PLCE1: variants seen among roughly 807,000 people sequenced by gnomAD.
The protein encoded by PLCE1 is phospholipase C epsilon 1.
Under a neutral mutation model 242.8 loss-of-function variants are expected in PLCE1, and 119 were observed. That is an observed-to-expected ratio of 0.49 (90% confidence interval 0.42 to 0.57). The LOEUF (loss-of-function observed/expected upper bound fraction) is 0.57. Among genes scored for constraint, PLCE1 ranks in the 20% least tolerant of loss-of-function variants. PLCE1 has a pLI of 0.00. For synonymous variants in PLCE1, 945 were observed against 1,017.4 expected (o/e 0.93, Z 1.35); for missense variants, 2,441 against 2,788.8 (o/e 0.88, Z 2.81).
chr10:94,003,402 C>T (rs970340832), intron 1 of PLCE1, among the ~76,000 whole-genome samples: 15 of 152,148 alleles, frequency 9.9e-5, no homozygotes, highest in Non-Finnish European at 1.6e-4. Flanking sequence ...TCACATTTGA[C>T]CTGCTCATGT....
At chr10:94,218,186 T>C (rs1462466491) in intron 4 of PLCE1, among the ~76,000 whole-genome samples, 1 of 152,192 alleles carries the variant, frequency 6.6e-6, no homozygotes, top group African/African-American at 2.4e-5. Context: ...ACACTTTCTG[T>C]GTGATACAGT....
At chr10:94,074,872 C>T (rs942856884) in intron 2 of PLCE1, among the ~76,000 whole-genome samples, 1 of 152,132 alleles carries the variant, frequency 6.6e-6, no homozygotes, top group Non-Finnish European at 1.5e-5. Flanking sequence ...TAAAGAATAA[C>T]TTGTATAATA....
At chr10:94,014,455 AT>A (rs1472943153) in intron 1 of PLCE1, among the ~76,000 whole-genome samples, 1 of 150,978 alleles carries the variant, frequency 6.6e-6, no homozygotes, top group African/African-American at 2.4e-5. Context: ...AAAAAAAAAA[AT>A]TAGCTGGGTG....
At chr10:94,102,596 T>C (rs886385175) in intron 2 of PLCE1, among the ~76,000 whole-genome samples, 2 of 152,216 alleles carry the variant, frequency 1.3e-5, no homozygotes, top group Non-Finnish European at 2.9e-5. Flanking sequence ...GTGAAGACAA[T>C]ACATTCCAGT....
rs538778378 is a variant in PLCE1 at position 94,056,965 on chromosome 10, A to G, written c.1206+24713A>G. Among the ~76,000 whole-genome samples the G allele has an allele frequency of 3.1e-3, 474 of 152,276 alleles. 2 individuals are homozygous for G. The highest frequency in any genetic ancestry group is 0.011 in the African/African-American group (457 of 41,556). On this transcript the variant is annotated intron_variant, in intron 2 of 32. Transcript: ENST00000371380. ...TAATGTTTCTAAGGTTCATCATGTT[A>G]CAGCATATGTTAGTACTTCACTACT...
At chr10:94,048,693 A>T (rs1396017264) in intron 2 of PLCE1, among the ~76,000 whole-genome samples, 18 of 144,216 alleles carry the variant, frequency 1.2e-4, no homozygotes, top group Admixed American at 3.5e-4. Context: ...ATTTATAAAT[A>T]ATATAAATAT....
chr10:93,994,462 C>T (rs1459921472), intron 1 of PLCE1, among the ~76,000 whole-genome samples: 1 of 152,250 alleles, frequency 6.6e-6, no homozygotes, highest in Non-Finnish European at 1.5e-5. Flanking sequence ...TAAAGGACAC[C>T]CTGCCAGTGC....
intron 3 of PLCE1, among the ~76,000 whole-genome samples, chr10:94,143,008 C>G (rs1227991676): frequency 6.6e-6 from 1 of 152,142 alleles, no homozygotes; most frequent in East Asian, 1.9e-4. Flanking sequence ...AGGAAATGGA[C>G]AAATAAACGT....
chr10:94,003,631 T>C (rs1035096716), intron 1 of PLCE1, among the ~76,000 whole-genome samples: 4 of 152,148 alleles, frequency 2.6e-5, no homozygotes, highest in Non-Finnish European at 5.9e-5. Context: ...TGTGCATAGA[T>C]TGAATTCCTG....
intron 9 of PLCE1, among the ~76,000 whole-genome samples, chr10:94,253,263 C>T (rs771915030): frequency 3.3e-5 from 5 of 152,098 alleles, no homozygotes; most frequent in Non-Finnish European, 5.9e-5. Flanking sequence ...TGACAGCCTC[C>T]GGAAGCTTAC....
At chr10:94,237,858 A>T (rs146614908) in intron 7 of PLCE1, among the ~76,000 whole-genome samples, 32 of 152,290 alleles carry the variant, frequency 2.1e-4, no homozygotes, top group African/African-American at 7.7e-4. Context: ...TGTGCCAAAG[A>T]TGTGCAGATT....
intron 11 of PLCE1, among the ~76,000 whole-genome samples, chr10:94,256,178 C>T (rs567391584): frequency 1.3e-5 from 2 of 151,204 alleles, no homozygotes; most frequent in South Asian, 2.1e-4. Flanking sequence ...AAACAATTAG[C>T]GGGTGTGGTG....
At chr10:94,164,320 G>A (rs1407015419) in intron 3 of PLCE1, among the ~76,000 whole-genome samples, 2 of 152,108 alleles carry the variant, frequency 1.3e-5, no homozygotes, top group East Asian at 3.8e-4. Flanking sequence ...TTTTCACATA[G>A]TCCCATATTT....
At chr10:94,037,411 C>T (rs1471701111) in intron 2 of PLCE1, among the ~76,000 whole-genome samples, 1 of 152,254 alleles carries the variant, frequency 6.6e-6, no homozygotes, top group African/African-American at 2.4e-5. Flanking sequence ...GTTGAGATAG[C>T]AACATGTCTT....
intron 21 of PLCE1, among the ~76,000 whole-genome samples, chr10:94,284,523 A>G (rs1183051470): frequency 6.6e-6 from 1 of 152,208 alleles, no homozygotes; most frequent in African/African-American, 2.4e-5. Flanking sequence ...ATTGTTGGAC[A>G]ATGGAATTGT....
In PLCE1 at chr10:94,269,733, G is replaced by A. The variant is rs1458360466; in HGVS notation, c.4389+697G>A. On this transcript the variant is annotated intron_variant, in intron 17 of 32. Coordinates refer to ENST00000371380, the MANE Select transcript of PLCE1 (RefSeq NM_016341.4). The stretch of plus-strand genomic sequence containing the variant: ...TGACAAAGGCCAATGTCAGGAGTTA[G>A]GAGATGGTTAAATAGTTAGCATTAT... Among the ~76,000 whole-genome samples, 7 of 152,186 alleles carry A rather than the reference G, an allele frequency of 4.6e-5. No individual in the cohort carries two copies. In the East Asian group the frequency reaches 1.3e-3, roughly 29 times the overall value.
intron 23 of PLCE1, among the ~76,000 whole-genome samples, chr10:94,296,682 A>C (rs900972200): frequency 3.3e-4 from 51 of 152,280 alleles, no homozygotes; most frequent in Middle Eastern, 6.8e-3. Flanking sequence ...TCCCCATATC[A>C]GTAATAAGGC....
intron 2 of PLCE1, among the ~76,000 whole-genome samples, chr10:94,059,600 G>A (rs571021365): frequency 1.4e-4 from 22 of 152,290 alleles, no homozygotes; most frequent in African/African-American, 5.1e-4. Flanking sequence ...CAGACAAATG[G>A]AGCTGGCCAG....
intron 22 of PLCE1, among the ~76,000 whole-genome samples, chr10:94,288,302 G>T (rs1308940640): frequency 6.6e-6 from 1 of 152,078 alleles, no homozygotes; most frequent in Non-Finnish European, 1.5e-5. Context: ...TAGCTTAAAA[G>T]ATTACAACCC....
Sources: allele counts gnomAD v4.1 joint callset (sites outside exome capture counted in the v4.1 genomes callset), GRCh38; gene constraint gnomAD v4.1.1; transcripts MANE v1.5; gene names NCBI Gene and HGNC (gene_info 2026-07-23, HGNC 2026-07-21).